ANKRD28: variants seen among roughly 807,000 people sequenced by gnomAD.
The protein encoded by ANKRD28 is ankyrin repeat domain 28, also known as serine/threonine-protein phosphatase 6 regulatory ankyrin repeat subunit A.
A neutral mutation model predicts 126.5 loss-of-function variants in ANKRD28; 44 were observed. The observed-to-expected ratio is 0.35, with a 90% CI of 0.27 to 0.45. The LOEUF is 0.45. ANKRD28 is among the 20% of genes least tolerant of loss of function. The pLI is 1.00. For missense variants in ANKRD28, 1,110 were observed against 1,316.6 expected (o/e 0.84, Z 2.43); for synonymous variants, 442 against 468.5 (o/e 0.94, Z 0.73).
rs79703276 is a variant in ANKRD28 at position 15,843,569 on chromosome 3, T to A, written c.27+15808A>T. Among the ~76,000 whole-genome samples, 2 of 150,876 alleles carry A rather than the reference T, an allele frequency of 1.3e-5. No homozygotes were observed. Among genetic ancestry groups the A allele is most frequent in the Admixed American group, 6.6e-5 (1 of 15,140 alleles). On this transcript the variant is annotated intron_variant, in intron 1 of 27. Coordinates refer to the ANKRD28 transcript ENST00000399451. This position sits in a 1 kb window ranked among gnomAD's most constrained non-coding sequence, Gnocchi z 5.2. ...GGATAGAATTAGGAGTACAGCAGAA[T>A]AGTTTGAGCCAAAAATAAGGGAAAA...
At chr3:15,720,422 T>A (rs917436026) in intron 8 of ANKRD28, among the ~76,000 whole-genome samples, 1 of 152,194 alleles carries the variant, frequency 6.6e-6, no homozygotes, top group Non-Finnish European at 1.5e-5. Context: ...CTTTTTAAAA[T>A]TAGATACAGA....
chr3:15,675,143 G>A (rs1315587316), intron 27 of ANKRD28, among the ~76,000 whole-genome samples: 1 of 152,100 alleles, frequency 6.6e-6, no homozygotes, highest in Non-Finnish European at 1.5e-5. Context: ...CGTGGCAGGT[G>A]TCAGTAATCC....
At chr3:15,859,455 T>TGCCGCC (rs1338651569) in exon 1 of ANKRD28, 7 of 1,450,060 alleles carry the variant, frequency 4.8e-6, no homozygotes, top group Non-Finnish European at 5.4e-6. Flanking sequence ...CCGCTGCCGC[T>TGCCGCC]GCCGCCGCCG....
rs550632709 is a variant in ANKRD28 at position 15,811,451 on chromosome 3, A to C, written c.28-16145T>G. On this transcript the variant is annotated intron_variant, in intron 1 of 27. Coordinates refer to the ANKRD28 transcript ENST00000399451. ...TAGGAGAAAAGACAAAATAATTACC[A>C]GGGACAATTTTTCTTTATTTTGAGA... Among the ~76,000 whole-genome samples, 4 of 152,278 alleles carry C rather than the reference A, an allele frequency of 2.6e-5. No homozygotes were observed. In the South Asian group the frequency reaches 8.3e-4, roughly 32 times the overall value.
At chr3:15,848,188 G>C (rs1177465324) in intron 1 of ANKRD28, among the ~76,000 whole-genome samples, 2 of 152,104 alleles carry the variant, frequency 1.3e-5, no homozygotes, top group Admixed American at 6.5e-5. Context: ...TTCAAACTTA[G>C]GTGAAAACTC....
chr3:15,759,081 T>C (rs147594933), intron 3 of ANKRD28, among the ~76,000 whole-genome samples: 120 of 152,304 alleles, frequency 7.9e-4, no homozygotes, highest in African/African-American at 2.8e-3. Flanking sequence ...AAATAGTCTT[T>C]AAAAGTTCTT....
rs765728658 is a variant in ANKRD28 at position 15,707,912 on chromosome 3, T to C, written c.1547+12A>G. On this transcript the variant is annotated intron_variant, in intron 14 of 27. Transcript: ENST00000683139. The stretch of plus-strand genomic sequence containing the variant: ...AATATTGATCCTCCACTCTCACTCC[T>C]ATGGTACTTACTTGCCATCTGTGTC... The C allele has an allele frequency of 1.2e-6, 2 of 1,611,354 alleles. No homozygotes were observed. The highest frequency in any genetic ancestry group is 1.7e-6 in the Non-Finnish European group (2 of 1,177,990).
intron 1 of ANKRD28, among the ~76,000 whole-genome samples, chr3:15,820,263 T>A (rs962267059): frequency 6.6e-6 from 1 of 152,166 alleles, no homozygotes; most frequent in Non-Finnish European, 1.5e-5. Flanking sequence ...ATAATACACA[T>A]GGCATACAGG....
At chr3:15,777,902 A>ACACACACCC (rs1385745179) in intron 2 of ANKRD28, among the ~76,000 whole-genome samples, 1 of 136,730 alleles carries the variant, frequency 7.3e-6, no homozygotes, top group Non-Finnish European at 1.5e-5. Flanking sequence ...ACACACACAC[A>ACACACACCC]CCCTCTCCGC....
rs1384999941 is a variant in ANKRD28, at chr3:15,850,258, G to GAGAGAGAGAGAGAGAGAGAGAGAGAA, written c.27+9118_27+9119insTTCTCTCTCTCTCTCTCTCTCTCTCT. 1.7e-4 allele frequency among the ~76,000 whole-genome samples: 21 copies of GAGAGAGAGAGAGAGAGAGAGAGAGAA among 126,892 alleles called. 2 individuals are homozygous for GAGAGAGAGAGAGAGAGAGAGAGAGAA. The highest frequency in any genetic ancestry group is 8.7e-4 in the South Asian group (3 of 3,436). The allele number at this position is 126,892 out of a possible 152,430, so 83.2% of individuals were successfully genotyped here. The stretch of plus-strand genomic sequence containing the variant: ...AGAGAGAGAGAGAGAGAGAGAGAGA[G>GAGAGAGAGAGAGAGAGAGAGAGAGAA]AGAGAAAGTTGAAATCCTACCTCAT... On this transcript the variant is annotated intron_variant, in intron 1 of 27. Coordinates refer to the ANKRD28 transcript ENST00000399451.
At chr3:15,771,691 T>C (rs1031135886) in intron 2 of ANKRD28, among the ~76,000 whole-genome samples, 12 of 152,154 alleles carry the variant, frequency 7.9e-5, no homozygotes, top group East Asian at 5.8e-4. Context: ...ACCTCCAAGA[T>C]TGAAGATCAC....
intron 1 of ANKRD28, among the ~76,000 whole-genome samples, chr3:15,855,254 CTTA>C (rs1265048637): frequency 6.6e-6 from 1 of 152,038 alleles, no homozygotes; most frequent in African/African-American, 2.4e-5. Context: ...CAAATAAGAA[CTTA>C]TTAACTATCC....
chr3:15,854,582 T>C lies in ANKRD28; in HGVS notation c.27+4795A>G, dbSNP rs2061721569. Among the ~76,000 whole-genome samples, 1 of 152,252 alleles carries C rather than the reference T, an allele frequency of 6.6e-6. No homozygotes were observed. Among genetic ancestry groups the C allele is most frequent in the African/African-American group, 2.4e-5 (1 of 41,468 alleles). ...ACAGAACTTGTTTTTGAACTGTATGTTACATTTTCAATTAATATGCTCCAC... is the reference window on the plus strand; with the variant it reads ...ACAGAACTTGTTTTTGAACTGTATGCTACATTTTCAATTAATATGCTCCAC... On this transcript the variant is annotated intron_variant, in intron 1 of 27. Coordinates refer to the ANKRD28 transcript ENST00000399451. This position sits in a 1 kb window ranked among gnomAD's most constrained non-coding sequence, Gnocchi z 4.1.
chr3:15,766,107 A>G, intron 3 of ANKRD28, 127 bp downstream of exon 3: 1 of 656,420 alleles, frequency 1.5e-6, no homozygotes, highest in Non-Finnish European at 2.5e-6. Context: ...GAATATAAAA[A>G]TAAGTTTCAG....
At chr3:15,809,227 C>T (rs1374969591) in intron 1 of ANKRD28, among the ~76,000 whole-genome samples, 2 of 152,190 alleles carry the variant, frequency 1.3e-5, no homozygotes, top group Non-Finnish European at 2.9e-5. Context: ...TTTTCCTAAA[C>T]TCTGTCTTCA....
chr3:15,836,005 A>G (rs975778489), intron 1 of ANKRD28, among the ~76,000 whole-genome samples: 8 of 152,222 alleles, frequency 5.3e-5, no homozygotes, highest in African/African-American at 1.4e-4. Flanking sequence ...ATAAAACTGT[A>G]TTGTCAAGTT....
chr3:15,694,734 C>G lies in ANKRD28; in HGVS notation c.1761+5G>C. The G allele has an allele frequency of 6.2e-7, 1 of 1,612,310 alleles. No individual in the cohort carries two copies. Among genetic ancestry groups the G allele is most frequent in the Non-Finnish European group, 8.5e-7 (1 of 1,178,504 alleles). ...CATCAAGTCGGCTATGAAGGCAGTA[C>G]TCACAGCCAAGTGTAAAGGGCTTAT... On this transcript the variant is annotated splice_donor_5th_base_variant and intron_variant, in intron 17 of 27. Coordinates refer to ENST00000683139, the MANE Select transcript of ANKRD28 (RefSeq NM_001349278.2).
chr3:15,826,342 C>G (rs2061066465), intron 1 of ANKRD28, among the ~76,000 whole-genome samples: 2 of 152,004 alleles, frequency 1.3e-5, no homozygotes, highest in African/African-American at 4.8e-5. Flanking sequence ...CCCAAAGATA[C>G]AGATATATAG....
intron 2 of ANKRD28, among the ~76,000 whole-genome samples, chr3:15,781,851 A>G (rs2059553053): frequency 6.6e-6 from 1 of 152,138 alleles, no homozygotes; most frequent in Non-Finnish European, 1.5e-5. Flanking sequence ...CTCAGGACAG[A>G]GCAACAGAGG....
Sources: allele counts gnomAD v4.1 joint callset (sites outside exome capture counted in the v4.1 genomes callset), GRCh38; gene constraint gnomAD v4.1.1; non-coding constraint Gnocchi (gnomAD v3.1); transcripts MANE v1.5; gene names NCBI Gene and HGNC (gene_info 2026-07-23, HGNC 2026-07-21).